Variants in APCDD1 observed in about 807,000 individuals in gnomAD.
APCDD1 encodes APC down-regulated 1.
A neutral mutation model predicts 38.1 loss-of-function variants in APCDD1; 15 were observed. That is an observed-to-expected ratio of 0.39 (90% confidence interval 0.26 to 0.61). APCDD1 has a LOEUF of 0.61. Ranked by LOEUF, APCDD1 falls within the 20% of genes least tolerant of loss-of-function variation. The pLI is 0.49. For synonymous variants in APCDD1, 261 were observed against 279.7 expected, an observed-to-expected ratio of 0.93 and a Z score of 0.67; for missense variants, 647 against 696.2, an observed-to-expected ratio of 0.93 and a Z score of 0.79.
intron 1 of APCDD1, among the ~76,000 whole-genome samples, chr18:10,462,420 TTCCTTTCC>T (rs2030570731): frequency 1.1e-5 from 1 of 92,334 alleles, no homozygotes; most frequent in Non-Finnish European, 2.3e-5. Context: ...CCTTCCTTCC[TTCCTTTCC>T]CCCTTGCTCC....
chr18:10,473,446 T>C (rs1297937743), intron 3 of APCDD1, among the ~76,000 whole-genome samples: 1 of 152,198 alleles, frequency 6.6e-6, no homozygotes, highest in African/African-American at 2.4e-5. Flanking sequence ...CCAGGCTCAT[T>C]TCATTCTGCC....
intron 1 of APCDD1, among the ~76,000 whole-genome samples, chr18:10,461,660 A>C (rs990256121): frequency 1.3e-5 from 2 of 152,210 alleles, no homozygotes; most frequent in African/African-American, 4.8e-5. Context: ...TTTATAGAGG[A>C]AAAAGAAAGG....
intron 3 of APCDD1, among the ~76,000 whole-genome samples, chr18:10,478,957 T>C (rs1055698785): frequency 5.3e-5 from 8 of 152,208 alleles, no homozygotes; most frequent in Non-Finnish European, 7.3e-5. Flanking sequence ...CTACTCCATT[T>C]AATTCTTTAC....
At chr18:10,468,402 T>G (rs1598396606) in intron 1 of APCDD1, 67 bp from the exon 2 acceptor site, 1 of 1,537,660 alleles carries the variant, frequency 6.5e-7, no homozygotes, top group Admixed American at 1.7e-5. Context: ...GCAGAGGTGG[T>G]TGTTTGGCCT....
intron 1 of APCDD1, among the ~76,000 whole-genome samples, chr18:10,466,807 A>G (rs183141627): frequency 6.6e-6 from 1 of 152,334 alleles, no homozygotes; most frequent in Admixed American, 6.5e-5. Context: ...AGCTCAGGCA[A>G]GAATCAGGGG....
At chr18:10,464,311 A>AACACACACACACACACACACACACACAC (rs541648834) in intron 1 of APCDD1, among the ~76,000 whole-genome samples, 1 of 146,996 alleles carries the variant, frequency 6.8e-6, no homozygotes, top group South Asian at 2.2e-4. Context: ...CTTCAAAGTA[A>AACACACACACACACACACACACACACAC]ACACACACAC....
intron 3 of APCDD1, among the ~76,000 whole-genome samples, chr18:10,482,551 TG>T (rs1463546115): frequency 6.6e-6 from 1 of 152,226 alleles, no homozygotes; most frequent in Non-Finnish European, 1.5e-5. Context: ...TGGGCTCACC[TG>T]TAGGTGGTGC....
At chr18:10,459,835 T>C (rs191261894) in intron 1 of APCDD1, among the ~76,000 whole-genome samples, 2 of 141,214 alleles carry the variant, frequency 1.4e-5, no homozygotes, top group African/African-American at 5.7e-5. Flanking sequence ...ATCAGTCACA[T>C]TTTATGTATC....
chr18:10,454,665 C>G lies in APCDD1; in HGVS notation c.-317C>G. 1 of 1,029,284 alleles carries G rather than the reference C, an allele frequency of 9.7e-7. No individual in the cohort carries two copies. Among genetic ancestry groups the G allele is most frequent in the Non-Finnish European group, 1.2e-6 (1 of 860,422 alleles). 63.8% of individuals were successfully genotyped at this position (1,029,284 alleles called of 1,614,324 possible). ...GACGCTGCAGCTGCGGTGGCGGTGG[C>G]GGCCACTGCAGCTCAGAGCGGCGCA... On this transcript the variant is annotated 5_prime_UTR_variant, in exon 1 of 5. Transcript: ENST00000355285.
chr18:10,462,788 T>C (rs1251305994), intron 1 of APCDD1, among the ~76,000 whole-genome samples: 1 of 151,966 alleles, frequency 6.6e-6, no homozygotes, highest in African/African-American at 2.4e-5. Context: ...AGATTTACTG[T>C]AGTTTGTTGG....
intron 1 of APCDD1, among the ~76,000 whole-genome samples, chr18:10,461,830 C>T (rs930138843): frequency 6.6e-5 from 10 of 152,192 alleles, no homozygotes; most frequent in Non-Finnish European, 1.5e-4. Flanking sequence ...CCTTAATTAA[C>T]ATCTAGAATC....
chr18:10,480,260 C>G (rs886066782), intron 3 of APCDD1, among the ~76,000 whole-genome samples: 9 of 152,174 alleles, frequency 5.9e-5, no homozygotes, highest in African/African-American at 2.2e-4. Flanking sequence ...GTACCAATCA[C>G]TCATCATGTT....
intron 1 of APCDD1, among the ~76,000 whole-genome samples, chr18:10,460,805 A>C (rs143656917): frequency 6.6e-6 from 1 of 152,250 alleles, no homozygotes; most frequent in East Asian, 1.9e-4. Flanking sequence ...GTGCTTCCTT[A>C]GCACACCATG....
intron 3 of APCDD1, among the ~76,000 whole-genome samples, chr18:10,479,422 G>A (rs1301530497): frequency 6.6e-6 from 1 of 152,208 alleles, no homozygotes; most frequent in Non-Finnish European, 1.5e-5. Context: ...ATTCTGGGAA[G>A]ATGGCGAAAA....
In APCDD1 at chr18:10,467,910, C is replaced by G. The variant is rs2030755113; in HGVS notation, c.59-559C>G. 6.6e-6 allele frequency among the ~76,000 whole-genome samples: 1 copy of G among 152,218 alleles called. No individual in the cohort carries two copies. Among genetic ancestry groups the G allele is most frequent in the Admixed American group, 6.5e-5 (1 of 15,284 alleles). ...CAGCAAGCACATCCCAGCTGGGAAT[C>G]TTCCTAGTCTCCTGGGCCTTCTCCT... On this transcript the variant is annotated intron_variant, in intron 1 of 4. Transcript: ENST00000355285. The surrounding 1 kb of genome is among the most constrained non-coding windows in gnomAD (Gnocchi z 4.8).
intron 1 of APCDD1, among the ~76,000 whole-genome samples, chr18:10,461,632 C>T (rs2030543699): frequency 6.6e-6 from 1 of 152,152 alleles, no homozygotes; most frequent in Admixed American, 6.5e-5. Context: ...TCATTATCAT[C>T]ATGATCATTA....
intron 1 of APCDD1, among the ~76,000 whole-genome samples, chr18:10,461,189 A>G (rs1361565006): frequency 6.6e-6 from 1 of 152,066 alleles, no homozygotes; most frequent in African/African-American, 2.4e-5. Flanking sequence ...ACACACTTAC[A>G]TACCACCGAG....
chr18:10,468,753 T>C, intron 2 of APCDD1, 101 bp downstream of exon 2: 2 of 1,268,208 alleles, frequency 1.6e-6, no homozygotes, highest in Non-Finnish European at 2.3e-6. Flanking sequence ...TCATTTACAA[T>C]GATTTAGGTG....
intron 1 of APCDD1, among the ~76,000 whole-genome samples, 197 bp from the exon 2 acceptor site, chr18:10,468,272 C>T (rs1198089330): frequency 6.6e-6 from 1 of 152,204 alleles, no homozygotes; most frequent in Non-Finnish European, 1.5e-5. Flanking sequence ...GTTTTCTCAC[C>T]AGGGAATTGA....
Sources: gnomAD v4.1 joint callset for allele counts (sites outside exome capture counted in the v4.1 genomes callset) on GRCh38, gnomAD v4.1.1 for gene constraint, Gnocchi (gnomAD v3.1) non-coding constraint, MANE v1.5 for transcripts, NCBI Gene and HGNC (gene_info 2026-07-23, HGNC 2026-07-21) for gene names.